PITPNC1: variants seen among roughly 807,000 people sequenced by gnomAD.
PITPNC1 encodes cytoplasmic phosphatidylinositol transfer protein 1.
A neutral mutation model predicts 44.7 loss-of-function variants in PITPNC1; 18 were observed. The observed-to-expected ratio is 0.40, with a 90% CI of 0.28 to 0.60. The LOEUF is 0.60. PITPNC1 is among the 20% of genes least tolerant of loss of function. The pLI is 0.39. For synonymous variants in PITPNC1, 141 were observed against 149.6 expected, an observed-to-expected ratio of 0.94 and a Z score of 0.42; for missense variants, 290 against 418.4, an observed-to-expected ratio of 0.69 and a Z score of 2.68.
At chr17:67,397,534 G>A (rs1264064501) in intron 1 of PITPNC1, among the ~76,000 whole-genome samples, 1 of 152,228 alleles carries the variant, frequency 6.6e-6, no homozygotes, top group Non-Finnish European at 1.5e-5. Flanking sequence ...AAATGACGTC[G>A]GGGGTTAATG....
At chr17:67,636,902 C>A (rs1484719816) in intron 6 of PITPNC1, among the ~76,000 whole-genome samples, 3 of 152,206 alleles carry the variant, frequency 2.0e-5, no homozygotes, top group Non-Finnish European at 2.9e-5. Flanking sequence ...AAAATGAAAT[C>A]TGACCTTGTT....
intron 7 of PITPNC1, among the ~76,000 whole-genome samples, chr17:67,674,046 T>C (rs554903157): frequency 4.4e-4 from 66 of 150,668 alleles, no homozygotes; most frequent in African/African-American, 1.6e-3. Flanking sequence ...TGTGGGTACA[T>C]AGTAGGTGTA....
At chr17:67,646,560 T>A (rs975770606) in intron 6 of PITPNC1, among the ~76,000 whole-genome samples, 6 of 152,182 alleles carry the variant, frequency 3.9e-5, no homozygotes, top group African/African-American at 1.4e-4. Flanking sequence ...AGTCTCACTG[T>A]CGCCCAAGCT....
At chr17:67,572,492 G>A (rs1039749262) in intron 4 of PITPNC1, among the ~76,000 whole-genome samples, 34 of 131,122 alleles carry the variant, frequency 2.6e-4, no homozygotes, top group African/African-American at 8.8e-4. Flanking sequence ...AAAGAAGAAG[G>A]GGGGTGACTT....
chr17:67,449,317 G>A (rs993994120), intron 1 of PITPNC1, among the ~76,000 whole-genome samples: 2 of 152,158 alleles, frequency 1.3e-5, no homozygotes, highest in African/African-American at 4.8e-5. Context: ...GTGACTCAGA[G>A]AATTGCTTTT....
intron 1 of PITPNC1, among the ~76,000 whole-genome samples, chr17:67,503,445 G>A (rs964827364): frequency 5.3e-5 from 8 of 152,112 alleles, no homozygotes; most frequent in African/African-American, 1.9e-4. Context: ...TGACGGGGAG[G>A]GAGGGGGCAT....
At chr17:67,445,396 C>T (rs910303750) in intron 1 of PITPNC1, among the ~76,000 whole-genome samples, 7 of 151,838 alleles carry the variant, frequency 4.6e-5, no homozygotes, top group South Asian at 2.1e-4. Context: ...CATGTCAAAG[C>T]GCCATATTTT....
At chr17:67,477,114 CA>C (rs1181102310) in intron 1 of PITPNC1, among the ~76,000 whole-genome samples, 1 of 152,100 alleles carries the variant, frequency 6.6e-6, no homozygotes, top group African/African-American at 2.4e-5. Context: ...AGGTCTCTGT[CA>C]CCAGGGCTGG....
intron 1 of PITPNC1, among the ~76,000 whole-genome samples, chr17:67,502,993 A>T (rs540410168): frequency 1.3e-5 from 2 of 152,142 alleles, no homozygotes; most frequent in South Asian, 4.2e-4. Context: ...ACGGGGTCTC[A>T]CCATGTTGGC....
At chr17:67,549,251 C>G (rs2040725466) in intron 2 of PITPNC1, among the ~76,000 whole-genome samples, 1 of 152,090 alleles carries the variant, frequency 6.6e-6, no homozygotes, top group Non-Finnish European at 1.5e-5. Flanking sequence ...GTCAGGAGTT[C>G]AAGACCAGCC....
At chr17:67,575,461 C>T (rs763068713) in intron 4 of PITPNC1, among the ~76,000 whole-genome samples, 2 of 152,192 alleles carry the variant, frequency 1.3e-5, no homozygotes, top group Non-Finnish European at 1.5e-5. Context: ...TCCTTAGTCA[C>T]GGTTCAGATC....
At chr17:67,439,058 A>G (rs1230219349) in intron 1 of PITPNC1, among the ~76,000 whole-genome samples, 1 of 152,184 alleles carries the variant, frequency 6.6e-6, no homozygotes, top group Non-Finnish European at 1.5e-5. Flanking sequence ...CCTGGGCCAC[A>G]AGTTTCTGGT....
intron 1 of PITPNC1, among the ~76,000 whole-genome samples, chr17:67,420,135 G>C (rs1302173727): frequency 6.6e-6 from 1 of 152,156 alleles, no homozygotes; most frequent in African/African-American, 2.4e-5. Flanking sequence ...GCACTCTGTG[G>C]AAGAGAATAT....
At chr17:67,484,836 G>A (rs992650790) in intron 1 of PITPNC1, among the ~76,000 whole-genome samples, 17 of 152,086 alleles carry the variant, frequency 1.1e-4, no homozygotes, top group Admixed American at 2.0e-4. Context: ...TACTTTGGAG[G>A]CTGAGGTAGG....
At chr17:67,511,139 T>C (rs1164588498) in intron 1 of PITPNC1, among the ~76,000 whole-genome samples, 3 of 152,178 alleles carry the variant, frequency 2.0e-5, no homozygotes, top group African/African-American at 7.2e-5. Flanking sequence ...CACATAATTA[T>C]GCAACTGGGG....
At chr17:67,506,449 A>G (rs1210220979) in intron 1 of PITPNC1, among the ~76,000 whole-genome samples, 1 of 152,220 alleles carries the variant, frequency 6.6e-6, no homozygotes, top group African/African-American at 2.4e-5. Flanking sequence ...TGGGGAAAGC[A>G]GTAGTTTTTT....
chr17:67,516,220 G>T (rs771407529), intron 1 of PITPNC1, among the ~76,000 whole-genome samples: 6 of 152,168 alleles, frequency 3.9e-5, no homozygotes, highest in Non-Finnish European at 8.8e-5. Flanking sequence ...ACTTAACTGT[G>T]ACATTTTCAT....
At chr17:67,493,032 A>AGGCT (rs1217494621) in intron 1 of PITPNC1, among the ~76,000 whole-genome samples, 5 of 152,200 alleles carry the variant, frequency 3.3e-5, no homozygotes, top group African/African-American at 9.6e-5. Context: ...GTTGGGTCAT[A>AGGCT]GGCTATCTGT....
chr17:67,657,786 T>A (rs1194422188), intron 6 of PITPNC1, among the ~76,000 whole-genome samples: 2 of 152,224 alleles, frequency 1.3e-5, no homozygotes, highest in Non-Finnish European at 2.9e-5. Context: ...TCTACATCGT[T>A]TTTGCTGTGC....
Sources: gnomAD v4.1 joint callset for allele counts (sites outside exome capture counted in the v4.1 genomes callset) on GRCh38, gnomAD v4.1.1 for gene constraint, MANE v1.5 for transcripts, NCBI Gene and HGNC (gene_info 2026-07-23, HGNC 2026-07-21) for gene names.